Variants in SP100 observed in about 807,000 individuals in gnomAD.
The protein encoded by SP100 is SP100 nuclear body protein, also known as nuclear autoantigen Sp-100.
In SP100, 84 loss-of-function variants were observed where a neutral mutation model predicts 130.0. The observed-to-expected ratio is 0.65, with a 90% CI of 0.54 to 0.77. The LOEUF (loss-of-function observed/expected upper bound fraction) is 0.77, where lower values mean the gene tolerates loss of function less well. Ranked by LOEUF, SP100 falls within the 30% of genes least tolerant of loss-of-function variation. The pLI is 0.00. For synonymous variants in SP100, 331 were observed against 351.7 expected (o/e 0.94, Z 0.66); for missense variants, 978 against 1,052.2 (o/e 0.93, Z 0.97).
At chr2:230,508,472 T>G (rs1487606128) in intron 23 of SP100, 1 of 153,180 alleles carries the variant, frequency 6.5e-6, no homozygotes, top group African/African-American at 2.4e-5. Flanking sequence ...TGTGGCATGA[T>G]GCCCGGCTAT....
intron 23 of SP100, chr2:230,508,795 C>G (rs912759641): frequency 2.9e-4 from 44 of 152,170 alleles, no homozygotes; most frequent in African/African-American, 9.4e-4. Context: ...CTAGAAACAT[C>G]CCATGGTCAC....
rs573251928 is a variant in SP100 at position 230,475,757 on chromosome 2, C to G, written c.1600+1310C>G. ...TCCAGTTTCGTTTTTCTTCGTATGTCTAGCCAGTTATTCCAGCATCATTTA... is the reference window on the plus strand; with the variant it reads ...TCCAGTTTCGTTTTTCTTCGTATGTGTAGCCAGTTATTCCAGCATCATTTA... On this transcript the variant is annotated intron_variant, in intron 17 of 28. Coordinates refer to ENST00000340126, the MANE Select transcript of SP100 (RefSeq NM_001080391.2). Among the ~76,000 whole-genome samples, 5 of 152,204 alleles carry G rather than the reference C, an allele frequency of 3.3e-5. No homozygotes were observed. The East Asian group carries it at 9.7e-4, about 29-fold the overall frequency.
At position 230,416,241 on chromosome 2, in the gene SP100, G is replaced by C; in HGVS notation, c.-56G>C. ...AGCCACACTGCACGCAGGCTGGGCC[G>C]ACTGAGGGGCTCAGAGGCCAGGCTC... On this transcript the variant is annotated 5_prime_UTR_variant, in exon 1 of 29. Transcript: ENST00000340126. The C allele has an allele frequency of 1.3e-6, 2 of 1,517,726 alleles. No homozygotes were observed. Among genetic ancestry groups the C allele is most frequent in the Middle Eastern group, 1.7e-4 (1 of 5,872 alleles). The allele number at this position is 1,517,726 out of a possible 1,614,324, so 94.0% of individuals were successfully genotyped here. A position where few individuals can be genotyped will look rare whatever the true frequency, so the allele number is the denominator to read the frequency against.
At chr2:230,467,675 G>A (rs2065032249) in intron 13 of SP100, among the ~76,000 whole-genome samples, 1 of 152,130 alleles carries the variant, frequency 6.6e-6, no homozygotes, top group African/African-American at 2.4e-5. Flanking sequence ...AACAGCACAG[G>A]AAAGATCTCT....
At chr2:230,536,691 C>T (rs1227529473) in intron 24 of SP100, among the ~76,000 whole-genome samples, 1 of 152,126 alleles carries the variant, frequency 6.6e-6, no homozygotes, top group Non-Finnish European at 1.5e-5. Flanking sequence ...TTTAGTGAGT[C>T]AGGGAGACAG....
intron 2 of SP100, among the ~76,000 whole-genome samples, chr2:230,419,697 T>C (rs1042513729): frequency 5.3e-5 from 8 of 152,228 alleles, no homozygotes; most frequent in Non-Finnish European, 8.8e-5. Flanking sequence ...ACTTTATTAT[T>C]AGATATTGTT....
At position 230,449,634 on chromosome 2, in the gene SP100, T is replaced by C. The variant is rs373505507; in HGVS notation, c.660T>C (p.Asp220=). 2 of 1,613,946 alleles carry C rather than the reference T, an allele frequency of 1.2e-6. No homozygotes were observed. Among genetic ancestry groups the C allele is most frequent in the Non-Finnish European group, 1.7e-6 (2 of 1,179,996 alleles). The change falls in exon 7 of 29, where the codon GAT becomes GAC. Residue 220 remains aspartate, a synonymous_variant. Coordinates refer to ENST00000340126, the MANE Select transcript of SP100 (RefSeq NM_001080391.2). ...AACAGATAAATGCAAAGAGAAAAGA[T>C]ACAACCAGTGACAAAGATGATTCGC... ...ETEQINAKRK[D]TTSDKDDSLG...
intron 2 of SP100, among the ~76,000 whole-genome samples, chr2:230,436,644 C>T (rs889936516): frequency 1.1e-4 from 17 of 152,274 alleles, no homozygotes; most frequent in South Asian, 4.1e-4. Flanking sequence ...ATAAATTACC[C>T]AGTCTCGAGC....
chr2:230,459,094 G>A (rs926744084), intron 8 of SP100, among the ~76,000 whole-genome samples: 2 of 151,980 alleles, frequency 1.3e-5, no homozygotes, highest in African/African-American at 4.8e-5. Flanking sequence ...GTCTCTAAGA[G>A]ACAATAATTT....
chr2:230,525,110 A>G (rs1191297329), intron 24 of SP100, among the ~76,000 whole-genome samples: 3 of 152,168 alleles, frequency 2.0e-5, no homozygotes, highest in Non-Finnish European at 4.4e-5. Flanking sequence ...ATTTTGTATG[A>G]GAAAGGATTT....
At chr2:230,490,709 C>T (rs920616930) in intron 17 of SP100, among the ~76,000 whole-genome samples, 7 of 152,104 alleles carry the variant, frequency 4.6e-5, no homozygotes, top group African/African-American at 1.7e-4. Flanking sequence ...TCAGCATTTG[C>T]TTGTCTGAAA....
chr2:230,518,930 T>A (rs1423175367), intron 24 of SP100, among the ~76,000 whole-genome samples: 1 of 152,226 alleles, frequency 6.6e-6, no homozygotes, highest in Non-Finnish European at 1.5e-5. Context: ...AGCATTAATG[T>A]ATTTATAAGT....
chr2:230,491,872 A>G (rs557874659), intron 17 of SP100, among the ~76,000 whole-genome samples: 1 of 152,336 alleles, frequency 6.6e-6, no homozygotes, highest in African/African-American at 2.4e-5. Context: ...TAAGCAGAAG[A>G]TATGTGAGCC....
intron 2 of SP100, among the ~76,000 whole-genome samples, chr2:230,442,046 T>G (rs796904197): frequency 7.9e-5 from 12 of 152,134 alleles, no homozygotes; most frequent in African/African-American, 2.9e-4. Context: ...AGAAACTTTT[T>G]TTACAGAAAT....
At chr2:230,538,639 A>G (rs539108176) in intron 24 of SP100, 1 of 152,430 alleles carries the variant, frequency 6.6e-6, no homozygotes, top group Admixed American at 6.5e-5. Context: ...AACACCTTAC[A>G]TGCCTAAGTC....
chr2:230,444,436 T>C, intron 4 of SP100, 90 bp downstream of exon 4: 1 of 1,030,350 alleles, frequency 9.7e-7, no homozygotes, highest in Non-Finnish European at 1.5e-6. Context: ...TGACATGTTG[T>C]GTTGGGCAGT....
chr2:230,453,942 G>A (rs1249989029), intron 8 of SP100, among the ~76,000 whole-genome samples: 3 of 152,034 alleles, frequency 2.0e-5, no homozygotes, highest in African/African-American at 4.8e-5. Context: ...TGTTTGGTGG[G>A]TGGTATTTTA....
At chr2:230,418,757 G>A (rs1392975114) in intron 2 of SP100, among the ~76,000 whole-genome samples, 1 of 151,954 alleles carries the variant, frequency 6.6e-6, no homozygotes, top group Non-Finnish European at 1.5e-5. Flanking sequence ...CCCTTTTTGG[G>A]AGTATAGAGG....
chr2:230,448,479 G>A (rs1319197173), intron 5 of SP100, among the ~76,000 whole-genome samples: 2 of 151,970 alleles, frequency 1.3e-5, no homozygotes, highest in Non-Finnish European at 2.9e-5. Context: ...GATGAATAAG[G>A]AAAAACCCAG....
Sources: allele counts gnomAD v4.1 joint callset (sites outside exome capture counted in the v4.1 genomes callset), GRCh38; gene constraint gnomAD v4.1.1; transcripts MANE v1.5; gene names NCBI Gene and HGNC (gene_info 2026-07-23, HGNC 2026-07-21).